The following TMUB2 variants were observed in gnomAD, a reference collection of about 807,000 sequenced individuals.
TMUB2 encodes the protein transmembrane and ubiquitin-like domain-containing protein 2.
TMUB2 carries 19 observed loss-of-function variants against 20.2 expected under a neutral mutation model. The observed-to-expected ratio is 0.94, with a 90% CI of 0.66 to 1.38. The LOEUF (loss-of-function observed/expected upper bound fraction) is 1.38. Ranked by LOEUF, TMUB2 falls within the 40% of genes most tolerant of loss-of-function variation. The pLI is 0.00. For missense variants in TMUB2, 426 were observed against 402.5 expected, an observed-to-expected ratio of 1.06 and a Z score of -0.50; for synonymous variants, 186 against 166.0, an observed-to-expected ratio of 1.12 and a Z score of -0.92.
At chr17:44,187,620 T>G in intron 1 of TMUB2, 56 bp from the exon 2 acceptor site, 1 of 711,856 alleles carries the variant, frequency 1.4e-6, no homozygotes, top group Non-Finnish European at 2.6e-6. Context: ...CCATCAGGGG[T>G]TAGTTGTGGT....
rs2055477519 is a variant in TMUB2 at position 44,190,931 on chromosome 17, A to G, written c.*67A>G. The G allele has an allele frequency of 2.4e-5, 37 of 1,530,056 alleles. No homozygotes were observed. Among genetic ancestry groups the G allele is most frequent in the Non-Finnish European group, 3.0e-5 (34 of 1,142,516 alleles). The allele number at this position is 1,530,056 out of a possible 1,614,324, so 94.8% of individuals were successfully genotyped here. On this transcript the variant is annotated 3_prime_UTR_variant, in exon 4 of 4. Coordinates refer to ENST00000538716, the MANE Select transcript of TMUB2 (RefSeq NM_001076674.3). ...CGGCCTCCCCACTTTTCCTGGCCAG[A>G]GCTGGGCCCAAGGGCCGGGGAGGGA...
intron 2 of TMUB2, chr17:44,188,737 G>T: frequency 2.8e-6 from 1 of 354,520 alleles, no homozygotes; most frequent in Non-Finnish European, 5.1e-6. Context: ...CAGCAGCAAG[G>T]CTGTGGGCTT....
rs763556579 is a variant in TMUB2 at position 44,190,825 on chromosome 17, C to A, written c.927C>A (p.Val309=). The A allele has an allele frequency of 4.3e-6, 7 of 1,613,738 alleles. No individual in the cohort carries two copies. The highest frequency in any genetic ancestry group is 1.7e-5 in the Admixed American group (1 of 59,960). The change falls in exon 4 of 4, where the codon GTC becomes GTA. Residue 309 remains valine (V), a synonymous_variant. Coordinates refer to ENST00000538716, the MANE Select transcript of TMUB2 (RefSeq NM_001076674.3). Reference sequence around the variant, plus strand: ...CTGTCTCCCTGGTGGGAGTCACCGTCTTCTTCAGCTTCCTAGTATTTGGGA... The same window carrying A: ...CTGTCTCCCTGGTGGGAGTCACCGTATTCTTCAGCTTCCTAGTATTTGGGA... ...PATVSLVGVT[V]FFSFLVFGMY...
chr17:44,188,014 A>G (rs2054729370), intron 2 of TMUB2: 4 of 487,748 alleles, frequency 8.2e-6, no homozygotes, highest in South Asian at 2.5e-5. Flanking sequence ...GGACAGGTAC[A>G]TAAGTATAAT....
In TMUB2 at chr17:44,190,525, C is replaced by T. The variant is rs747462819; in HGVS notation, c.627C>T (p.Ser209=). The change falls in exon 4 of 4, where the codon AGC becomes AGT. Residue 209 remains serine, a synonymous_variant. Transcript: ENST00000538716. ...GCAAATACTTCCCTGGACAAGAAAGCCAGATGAAACTGATCTACCAGGGCC... is the reference window on the plus strand; with the variant it reads ...GCAAATACTTCCCTGGACAAGAAAGTCAGATGAAACTGATCTACCAGGGCC... ...LKSKYFPGQE[S]QMKLIYQGRL... 146 of 1,607,608 alleles carry T rather than the reference C, an allele frequency of 9.1e-5. No individual in the cohort carries two copies. Among genetic ancestry groups the T allele is most frequent in the Non-Finnish European group, 1.2e-4 (136 of 1,175,978 alleles).
In TMUB2 at chr17:44,190,823, GTCT is replaced by G; in HGVS notation, c.931_933del (p.Phe311del). On this transcript the variant is annotated inframe_deletion, in exon 4 of 4. Coordinates refer to ENST00000538716, the MANE Select transcript of TMUB2 (RefSeq NM_001076674.3). ...CACTGTCTCCCTGGTGGGAGTCACC[GTCT>G]TCTTCAGCTTCCTAGTATTTGGGAT... is the stretch of plus-strand genomic sequence containing the variant. 2 of 1,613,906 alleles carry G rather than the reference GTCT, an allele frequency of 1.2e-6. No homozygotes were observed. Among genetic ancestry groups the G allele is most frequent in the Non-Finnish European group, 1.7e-6 (2 of 1,179,878 alleles).
chr17:44,190,126 C>A, intron 3 of TMUB2: 1 of 183,796 alleles, frequency 5.4e-6, no homozygotes, highest in Non-Finnish European at 1.1e-5. Flanking sequence ...GCGGGCAGAT[C>A]ACAAGGTCAA....
In TMUB2 at chr17:44,190,973, G is replaced by A; in HGVS notation, c.*109G>A. On this transcript the variant is annotated 3_prime_UTR_variant, in exon 4 of 4. Transcript: ENST00000538716. ...GGGGAGGGAGGGGTGGAAAGGATGTGATGGAAATCTCCTCCATAGGACACA... is the reference window on the plus strand; with the variant it reads ...GGGGAGGGAGGGGTGGAAAGGATGTAATGGAAATCTCCTCCATAGGACACA... The A allele has an allele frequency of 4.6e-6, 7 of 1,505,986 alleles. No individual in the cohort carries two copies. The South Asian group carries it at 6.7e-5, about 15-fold the overall frequency. The allele number at this position is 1,505,986 out of a possible 1,614,324, so 93.3% of individuals were successfully genotyped here.
Position 44,191,167 on chromosome 17 carries a change from T to A in TMUB2, c.*303T>A. 4.4e-6 allele frequency: 5 copies of A among 1,130,412 alleles called. No homozygotes were observed. Among genetic ancestry groups the A allele is most frequent in the Non-Finnish European group, 5.4e-6 (5 of 919,058 alleles). 70.0% of individuals were successfully genotyped at this position (1,130,412 alleles called of 1,614,324 possible). ...CAGTGGGGAGCCTGGGCTCTGAGAT[T>A]CCCTCCCACCTGTGGTTCTGACTCT... is the stretch of plus-strand genomic sequence containing the variant. On this transcript the variant is annotated 3_prime_UTR_variant, in exon 4 of 4. Coordinates refer to ENST00000538716, the MANE Select transcript of TMUB2 (RefSeq NM_001076674.3).
At position 44,187,006 on chromosome 17, in the gene TMUB2, C is replaced by T. The variant is rs1044182541; in HGVS notation, c.-137C>T. The T allele has an allele frequency of 4.6e-5, 7 of 152,576 alleles. No individual in the cohort carries two copies. The highest frequency in any genetic ancestry group is 1.7e-4 in the African/African-American group (7 of 41,470). The allele number at this position is 152,576 out of a possible 1,614,324, so 9.5% of individuals were successfully genotyped here. On this transcript the variant is annotated 5_prime_UTR_variant, in exon 1 of 4. Transcript: ENST00000538716. ...CGGGAGAAGCCGGAAGAGACCGGAC[C>T]CTGAACAGAATCGCAGATTGCCAGC...
At position 44,190,651 on chromosome 17, in the gene TMUB2, C is replaced by A; in HGVS notation, c.753C>A (p.Gly251=). 1 of 1,614,250 alleles carries A rather than the reference C, an allele frequency of 6.2e-7. No homozygotes were observed. The highest frequency in any genetic ancestry group is 8.5e-7 in the Non-Finnish European group (1 of 1,180,046). The stretch of plus-strand genomic sequence containing the variant: ...CACCCCCAGGGTCAGCTGTTCCAGG[C>A]CCCTCAGCCTCCTTGGCCCCCTCGG... ...HRSPPGSAVP[G]PSASLAPSAT... The change falls in exon 4 of 4, where the codon GGC becomes GGA. Residue 251 remains glycine, a synonymous_variant. Transcript: ENST00000538716.
At position 44,189,206 on chromosome 17, in the gene TMUB2, G is replaced by A. The variant is rs777909837; in HGVS notation, c.220G>A (p.Gly74Ser). 1.9e-6 allele frequency: 3 copies of A among 1,614,122 alleles called. No homozygotes were observed. Among genetic ancestry groups the A allele is most frequent in the East Asian group, 2.2e-5 (1 of 44,888 alleles). The change falls in exon 3 of 4, where the codon GGC becomes AGC. Residue 74 changes from glycine (G) to serine (S), a missense_variant. Physicochemically the swap from Gly to Ser is moderately conservative, Grantham distance 56 (BLOSUM62 0). Transcript: ENST00000538716. Reference sequence around the variant, plus strand: ...GCTCCTGGGCGCTATTGTGTCAGCAGGCGACACATCCGTCCTCCACCTGGG... The same window carrying A: ...GCTCCTGGGCGCTATTGTGTCAGCAAGCGACACATCCGTCCTCCACCTGGG... ...NQLLGAIVSA[G>S]DTSVLHLGHV...
Position 44,189,047 on chromosome 17 carries a change from A to T in TMUB2, c.61A>T (p.Met21Leu), listed in dbSNP as rs752595554. Reference sequence around the variant, plus strand: ...CGTGGACCCTGCCAGCAGCCAGGCCATGGAGCTCTCTGATGTCACCCTCAT... The same window carrying T: ...CGTGGACCCTGCCAGCAGCCAGGCCTTGGAGCTCTCTGATGTCACCCTCAT... ...MSVDPASSQA[M>L]ELSDVTLIEG... Residue 21 changes from methionine (M) to leucine (L), a missense_variant, in exon 3 of 4, where the codon ATG (methionine) becomes TTG (leucine). Transcript: ENST00000538716. The T allele has an allele frequency of 6.2e-7, 1 of 1,613,474 alleles. No homozygotes were observed. Among genetic ancestry groups the T allele is most frequent in the Non-Finnish European group, 8.5e-7 (1 of 1,179,850 alleles).
intron 2 of TMUB2, chr17:44,188,723 G>A: frequency 3.3e-6 from 1 of 305,460 alleles, no homozygotes; most frequent in Non-Finnish European, 6.0e-6. Flanking sequence ...AACAACAGTA[G>A]CAGCAGCAGC....
chr17:44,190,667 G>T lies in TMUB2; in HGVS notation c.769G>T (p.Ala257Ser), dbSNP rs2055409564. The change falls in exon 4 of 4, where the codon GCC becomes TCC. Residue 257 changes from alanine to serine, a missense_variant. Transcript: ENST00000538716. ...TGTTCCAGGCCCCTCAGCCTCCTTG[G>T]CCCCCTCGGCCACTGAGCCACCCAG... ...SAVPGPSASL[A>S]PSATEPPSLG... The T allele has an allele frequency of 6.2e-7, 1 of 1,614,042 alleles. No individual in the cohort carries two copies. Among genetic ancestry groups the T allele is most frequent in the African/African-American group, 1.3e-5 (1 of 74,922 alleles).
At chr17:44,187,881 A>T (rs1373087627) in intron 2 of TMUB2, 138 bp downstream of exon 2, 2 of 680,522 alleles carry the variant, frequency 2.9e-6, no homozygotes. Context: ...CGGTATATTA[A>T]ATAAGGATGT....
At chr17:44,188,878 T>G in intron 2 of TMUB2, 144 bp from the exon 3 acceptor site, 1 of 1,367,882 alleles carries the variant, frequency 7.3e-7, no homozygotes, top group Non-Finnish European at 9.5e-7. Flanking sequence ...GTGCCGGAAT[T>G]AGGAAGGTTT....
chr17:44,190,671 C>A lies in TMUB2; in HGVS notation c.773C>A (p.Pro258His). The change falls in exon 4 of 4, where the codon CCC becomes CAC. Residue 258 changes from proline (P) to histidine (H), a missense_variant. Transcript: ENST00000538716. ...AVPGPSASLA[P>H]SATEPPSLGV... ...CCAGGCCCCTCAGCCTCCTTGGCCCCCTCGGCCACTGAGCCACCCAGCCTT... is the reference window on the plus strand; with the variant it reads ...CCAGGCCCCTCAGCCTCCTTGGCCCACTCGGCCACTGAGCCACCCAGCCTT... 1 of 1,614,236 alleles carries A rather than the reference C, an allele frequency of 6.2e-7. No individual in the cohort carries two copies. Among genetic ancestry groups the A allele is most frequent in the Non-Finnish European group, 8.5e-7 (1 of 1,180,044 alleles).
chr17:44,187,848 AGTT>A (rs2054695717), intron 2 of TMUB2, 105 bp downstream of exon 2: 1 of 701,532 alleles, frequency 1.4e-6, no homozygotes, highest in Admixed American at 2.1e-5. Context: ...GGTTATAATT[AGTT>A]GTTTTTCTAA....
Sources: gnomAD v4.1 joint callset for allele counts on GRCh38, gnomAD v4.1.1 for gene constraint, MANE v1.5 for transcripts, NCBI Gene and HGNC (gene_info 2026-07-23, HGNC 2026-07-21) for gene names.